The following ADCY5 variants were observed in gnomAD, a reference collection of about 807,000 sequenced individuals.
The protein encoded by ADCY5 is adenylate cyclase 5, also known as adenylate cyclase type 5.
In ADCY5, 30 loss-of-function variants were observed where a neutral mutation model predicts 119.7. The ratio of observed to expected loss-of-function variants is 0.25; its 90% CI spans 0.19 to 0.34. The LOEUF is 0.34. Among genes scored for constraint, ADCY5 ranks in the 10% least tolerant of loss-of-function variants. The pLI is 1.00. For missense variants in ADCY5, 1,324 were observed against 1,775.2 expected, an observed-to-expected ratio of 0.75 and a Z score of 4.57; for synonymous variants, 753 against 762.2, an observed-to-expected ratio of 0.99 and a Z score of 0.20.
chr3:123,328,448 C>T (rs555853921), intron 6 of ADCY5, among the ~76,000 whole-genome samples, 196 bp downstream of exon 6: 5 of 152,302 alleles, frequency 3.3e-5, no homozygotes, highest in East Asian at 1.9e-4. Context: ...CACAACTGGC[C>T]AACGGTGGCA....
At chr3:123,317,893 C>T in intron 11 of ADCY5, 127 bp downstream of exon 11, 1 of 838,914 alleles carries the variant, frequency 1.2e-6, no homozygotes, top group South Asian at 1.6e-5. Flanking sequence ...CACTCAGAAA[C>T]TTCTCTCCGT....
At chr3:123,440,361 A>G (rs2107652987) in intron 1 of ADCY5, among the ~76,000 whole-genome samples, 1 of 152,356 alleles carries the variant, frequency 6.6e-6, no homozygotes, top group South Asian at 2.1e-4. Context: ...AGCAAGAGGT[A>G]GTGGGCAGGG....
intron 1 of ADCY5, among the ~76,000 whole-genome samples, chr3:123,429,983 G>A (rs1576692192): frequency 6.6e-6 from 1 of 152,046 alleles, no homozygotes; most frequent in African/African-American, 2.4e-5. Context: ...AGTGAATGCC[G>A]GCCTCAGCCC....
At chr3:123,405,536 C>A (rs1254119794) in intron 1 of ADCY5, among the ~76,000 whole-genome samples, 1 of 152,242 alleles carries the variant, frequency 6.6e-6, no homozygotes, top group East Asian at 1.9e-4. Flanking sequence ...TCCTGCCAGG[C>A]CTGAGCAGGG....
intron 1 of ADCY5, among the ~76,000 whole-genome samples, chr3:123,359,357 TA>T (rs1943161769): frequency 1.5e-5 from 2 of 133,312 alleles, no homozygotes; most frequent in African/African-American, 6.0e-5. Flanking sequence ...TATATATATA[TA>T]TATATTCATT....
chr3:123,300,064 C>A lies in ADCY5; in HGVS notation c.2900+56G>T. On this transcript the variant is annotated intron_variant, in intron 15 of 20. Transcript: ENST00000462833. ...CAGAACCCTAAACCTCCTGCTCTTG[C>A]CACCTCCCTGCAATGTCTCATGCCC... 1.9e-6 allele frequency: 3 copies of A among 1,580,272 alleles called. No individual in the cohort carries two copies. The African/African-American group carries it at 4.0e-5, about 21-fold the overall frequency.
chr3:123,346,647 G>GTA (rs1942580564), intron 3 of ADCY5, among the ~76,000 whole-genome samples: 1 of 95,790 alleles, frequency 1.0e-5, no homozygotes, highest in East Asian at 3.5e-4. Context: ...CTCTCTGTGT[G>GTA]TATGTGTGTG....
chr3:123,305,909 G>A lies in ADCY5; in HGVS notation c.2443-1726C>T, dbSNP rs1251964724. Among the ~76,000 whole-genome samples, 11 of 152,170 alleles carry A rather than the reference G, an allele frequency of 7.2e-5. No individual in the cohort carries two copies. The East Asian group carries it at 1.2e-3, about 16-fold the overall frequency. ...CACGGCAGAGGCCTGGCAGTGCTCC[G>A]CCTCCCAGGTTCATGCCATTCTCCT... is the stretch of plus-strand genomic sequence containing the variant. On this transcript the variant is annotated intron_variant, in intron 12 of 20. Transcript: ENST00000462833.
chr3:123,338,363 TCAGAGA>T (rs1416395991), intron 3 of ADCY5, among the ~76,000 whole-genome samples: 4 of 152,316 alleles, frequency 2.6e-5, no homozygotes, highest in African/African-American at 4.8e-5. Flanking sequence ...CCACCTCCTG[TCAGAGA>T]CAAAGTCACA....
At chr3:123,369,364 C>A (rs956748172) in intron 1 of ADCY5, among the ~76,000 whole-genome samples, 11 of 152,180 alleles carry the variant, frequency 7.2e-5, no homozygotes, top group Admixed American at 6.5e-4. Flanking sequence ...GTTACAGCAA[C>A]AGAAAATGAA....
chr3:123,360,925 C>T (rs895220177), intron 1 of ADCY5, among the ~76,000 whole-genome samples: 2 of 152,170 alleles, frequency 1.3e-5, no homozygotes, highest in African/African-American at 4.8e-5. Flanking sequence ...AATGAGGAAA[C>T]TGAGGCCCGA....
intron 6 of ADCY5, among the ~76,000 whole-genome samples, chr3:123,328,018 T>C (rs562343236): frequency 6.6e-6 from 1 of 152,264 alleles, no homozygotes; most frequent in Non-Finnish European, 1.5e-5. Context: ...CAAGACAACA[T>C]GGCCTCCAGT....
At chr3:123,390,734 A>C (rs542127938) in intron 1 of ADCY5, among the ~76,000 whole-genome samples, 1 of 152,204 alleles carries the variant, frequency 6.6e-6, no homozygotes, top group South Asian at 2.1e-4. Flanking sequence ...CTGCAGGTGC[A>C]GCACAGCCTG....
chr3:123,438,925 A>C (rs1370912185), intron 1 of ADCY5, among the ~76,000 whole-genome samples: 2 of 151,232 alleles, frequency 1.3e-5, no homozygotes, highest in African/African-American at 2.4e-5. Context: ...CTTTTTAAAA[A>C]ATTTTTTGTA....
chr3:123,419,170 TC>T, intron 1 of ADCY5: 1 of 985,264 alleles, frequency 1.0e-6, no homozygotes, highest in Non-Finnish European at 1.2e-6. Context: ...GAGCACCGCA[TC>T]CCCTCCCCTC....
At chr3:123,299,295 C>T (rs1011585508) in intron 15 of ADCY5, among the ~76,000 whole-genome samples, 2 of 152,168 alleles carry the variant, frequency 1.3e-5, no homozygotes, top group African/African-American at 4.8e-5. Context: ...TAACTTGGTG[C>T]GTGTGTCTTC....
rs918910995 is a variant in ADCY5 at position 123,286,906 on chromosome 3, C to T, written c.3533-97G>A. ...TGCTGCAGGTCCTTCTGACTCCCAA[C>T]CTGAGACACCCGTGGGCTTCCAGGC... is the stretch of plus-strand genomic sequence containing the variant. On this transcript the variant is annotated intron_variant, in intron 19 of 20. Coordinates refer to ENST00000462833, the MANE Select transcript of ADCY5 (RefSeq NM_183357.3). The surrounding 1 kb of genome is among the most constrained non-coding windows in gnomAD (Gnocchi z 4.2). The T allele has an allele frequency of 6.1e-6, 9 of 1,468,836 alleles. No homozygotes were observed. The South Asian group carries it at 7.0e-5, about 11-fold the overall frequency. The allele number at this position is 1,468,836 out of a possible 1,614,324, so 91.0% of individuals were successfully genotyped here.
At chr3:123,358,418 AAC>A (rs1170138517) in intron 1 of ADCY5, among the ~76,000 whole-genome samples, 1 of 152,174 alleles carries the variant, frequency 6.6e-6, no homozygotes, top group Non-Finnish European at 1.5e-5. Context: ...CAGCCCGGAC[AAC>A]ACAGTGATAT....
chr3:123,447,360 C>G lies in ADCY5; in HGVS notation c.1134+52G>C, dbSNP rs1945837784. On this transcript the variant is annotated intron_variant, in intron 1 of 20. Coordinates refer to ENST00000462833, the MANE Select transcript of ADCY5 (RefSeq NM_183357.3). ...TGGGATCCCTTTCTTTGGAGTCCAG[C>G]TGAGGCCTGCCCGCCCCGCAATCCA... The G allele has an allele frequency of 2.8e-6, 4 of 1,450,742 alleles. No individual in the cohort carries two copies. In the South Asian group the frequency reaches 4.3e-5, roughly 16 times the overall value. 89.9% of individuals were successfully genotyped at this position (1,450,742 alleles called of 1,614,324 possible). A position where few individuals can be genotyped will look rare whatever the true frequency, so the allele number is the denominator to read the frequency against.
Sources: allele counts gnomAD v4.1 joint callset (sites outside exome capture counted in the v4.1 genomes callset), GRCh38; gene constraint gnomAD v4.1.1; non-coding constraint Gnocchi (gnomAD v3.1); transcripts MANE v1.5; gene names NCBI Gene and HGNC (gene_info 2026-07-23, HGNC 2026-07-21).